Variants in CLXN observed in about 807,000 individuals in gnomAD.
CLXN encodes the protein calaxin.
At chr8:48,728,292 A>C in the CLXN span, among the ~76,000 whole-genome samples, 4 of 151,540 alleles carry the variant, frequency 2.6e-5, no homozygotes. Flanking sequence ...CTCTCTCTCT[A>C]TCTCTCTCTG....
At chr8:48,712,606 G>C in the CLXN span, among the ~76,000 whole-genome samples, 1 of 152,252 alleles carries the variant, frequency 6.6e-6, no homozygotes, top group Non-Finnish European at 1.5e-5. Context: ...GCTGCTGCCT[G>C]GGCAGTGATG....
the CLXN span, chr8:48,729,051 A>G: frequency 6.2e-7 from 1 of 1,610,064 alleles, no homozygotes; most frequent in South Asian, 1.1e-5. Flanking sequence ...CCTTTGGATC[A>G]GGAAGACATG....
At chr8:48,723,489 CTT>C in the CLXN span, 1 of 152,122 alleles carries the variant, frequency 6.6e-6, no homozygotes, top group Non-Finnish European at 1.5e-5. Flanking sequence ...TTTACTTAAA[CTT>C]AATGCATATG....
At chr8:48,731,039 A>G in the CLXN span, among the ~76,000 whole-genome samples, 1 of 152,168 alleles carries the variant, frequency 6.6e-6, no homozygotes, top group Non-Finnish European at 1.5e-5. Context: ...CTATGATGTA[A>G]AGAATGTAAA....
the CLXN span, chr8:48,729,786 T>C: frequency 1.2e-6 from 2 of 1,613,528 alleles, no homozygotes; most frequent in Admixed American, 3.3e-5. Context: ...CAGATGGCTG[T>C]TTGAGAAGGC....
the CLXN span, chr8:48,729,200 A>G: frequency 2.8e-6 from 4 of 1,409,764 alleles, no homozygotes; most frequent in African/African-American, 5.7e-5. Context: ...CTGCAAATAC[A>G]TGCTCTTTTC....
the CLXN span, chr8:48,713,884 CTT>C: frequency 6.6e-6 from 1 of 152,124 alleles, no homozygotes; most frequent in Non-Finnish European, 1.5e-5. Context: ...AAAAAAAACA[CTT>C]AATTGTTTCC....
the CLXN span, chr8:48,729,212 T>C: frequency 7.4e-7 from 1 of 1,357,194 alleles, no homozygotes; most frequent in Non-Finnish European, 1.0e-6. Flanking sequence ...GCTCTTTTCA[T>C]AGTCAAGTGT....
At chr8:48,720,274 G>A in the CLXN span, among the ~76,000 whole-genome samples, 19 of 152,266 alleles carry the variant, frequency 1.2e-4, no homozygotes, top group African/African-American at 4.3e-4. Context: ...GACTGCCTGC[G>A]GGGTCGGGCA....
chr8:48,735,181 G>A, the CLXN span: 1 of 1,612,788 alleles, frequency 6.2e-7, no homozygotes, highest in South Asian at 1.1e-5. Flanking sequence ...GGGCCGCGGC[G>A]GGGGTCTCTG....
the CLXN span, among the ~76,000 whole-genome samples, chr8:48,725,521 G>A: frequency 6.6e-6 from 1 of 152,044 alleles, no homozygotes; most frequent in Non-Finnish European, 1.5e-5. Flanking sequence ...ATTCTAATGG[G>A]AGCCAGGCAT....
the CLXN span, among the ~76,000 whole-genome samples, chr8:48,719,484 A>G: frequency 1.3e-5 from 2 of 152,212 alleles, no homozygotes; most frequent in South Asian, 2.1e-4. Context: ...CTACAAGCCA[A>G]TATCCCTGAT....
chr8:48,718,248 T>C, the CLXN span, among the ~76,000 whole-genome samples: 9 of 152,048 alleles, frequency 5.9e-5, no homozygotes, highest in Admixed American at 3.3e-4. Flanking sequence ...GACTGAGAAA[T>C]GGTCAATTCA....
chr8:48,735,065 G>C, the CLXN span: 1 of 1,613,616 alleles, frequency 6.2e-7, no homozygotes, highest in Non-Finnish European at 8.5e-7. Context: ...CAGGAGCCTC[G>C]GCCTGTCCAG....
At chr8:48,726,325 A>G in the CLXN span, among the ~76,000 whole-genome samples, 2 of 141,678 alleles carry the variant, frequency 1.4e-5, no homozygotes, top group Middle Eastern at 4.3e-3. Flanking sequence ...CTACACAGCC[A>G]TTCACCTCAT....
chr8:48,717,592 C>T, the CLXN span, among the ~76,000 whole-genome samples: 1 of 152,050 alleles, frequency 6.6e-6, no homozygotes. Flanking sequence ...CAAATGAAAG[C>T]ATAAATCTCA....
At chr8:48,734,580 T>C in the CLXN span, 2 of 152,362 alleles carry the variant, frequency 1.3e-5, no homozygotes, top group Non-Finnish European at 2.9e-5. Context: ...CAAATATTGT[T>C]CTGAGGCACA....
chr8:48,716,615 G>T, the CLXN span: 1 of 152,172 alleles, frequency 6.6e-6, no homozygotes, highest in Non-Finnish European at 1.5e-5. Context: ...GGAGATAAAA[G>T]TCATTAAAAA....
At chr8:48,716,370 C>G in the CLXN span, 1 of 152,436 alleles carries the variant, frequency 6.6e-6, no homozygotes, top group Non-Finnish European at 1.5e-5. Context: ...GCCTCTCCAT[C>G]CACACCTCCC....
Sources: gnomAD v4.1 joint callset for allele counts (sites outside exome capture counted in the v4.1 genomes callset) on GRCh38, gnomAD v4.1.1 for gene constraint, MANE v1.5 for transcripts, NCBI Gene and HGNC (gene_info 2026-07-23, HGNC 2026-07-21) for gene names.